The following ASPSCR1 variants were observed in gnomAD, a reference collection of about 807,000 sequenced individuals.
ASPSCR1 encodes tether containing UBX domain for GLUT4.
Under a neutral mutation model 68.9 loss-of-function variants are expected in ASPSCR1, and 55 were observed. The observed-to-expected ratio is 0.80, with a 90% CI of 0.64 to 1.00. ASPSCR1 has a LOEUF of 1.00. Ranked by LOEUF, ASPSCR1 falls within the 50% of genes least tolerant of loss-of-function variation. The pLI, the probability that ASPSCR1 is intolerant of heterozygous loss-of-function variation, is 0.00. For synonymous variants in ASPSCR1, 352 were observed against 332.6 expected, an observed-to-expected ratio of 1.06 and a Z score of -0.63; for missense variants, 765 against 762.2, an observed-to-expected ratio of 1.00 and a Z score of -0.04.
chr17:82,008,770 A>C, intron 7 of ASPSCR1: 1 of 395,286 alleles, frequency 2.5e-6, no homozygotes, highest in South Asian at 7.4e-5. Context: ...CCTGCTGGGG[A>C]GCAGGGGCTC....
intron 4 of ASPSCR1, among the ~76,000 whole-genome samples, chr17:81,991,114 G>A (rs920020882): frequency 1.3e-5 from 2 of 152,156 alleles, no homozygotes; most frequent in African/African-American, 4.8e-5. Context: ...CAGCTGAGCC[G>A]CTTTCCATCT....
chr17:81,988,148 CAA>C (rs756745360), intron 4 of ASPSCR1, among the ~76,000 whole-genome samples: 37 of 97,964 alleles, frequency 3.8e-4, no homozygotes, highest in Admixed American at 8.1e-4. Context: ...GACTCTGTCT[CAA>C]AAAAAAAAAA....
chr17:82,017,068 G>A lies in ASPSCR1; in HGVS notation c.1603G>A (p.Val535Met), dbSNP rs372177769. 3.8e-5 allele frequency: 61 copies of A among 1,608,506 alleles called. No individual in the cohort carries two copies. The Middle Eastern group carries it at 6.7e-4, about 18-fold the overall frequency. ...GCCCATCCCAGGGACGGCCCAGCCC[G>A]TGAAGAGGAGCCTGGGCAAGGTGCC... ...PEPIPGTAQP[V>M]KRSLGKVPKW... Residue 535 changes from valine (V) to methionine (M), a missense_variant, in exon 15 of 16, where the codon GTG becomes ATG. Val to Met is a conservative substitution (Grantham distance 21). Transcript: ENST00000306739.
chr17:82,010,094 T>G (rs1407616761), intron 9 of ASPSCR1: 1 of 322,178 alleles, frequency 3.1e-6, no homozygotes. Flanking sequence ...GTTGTTTTTT[T>G]TTTTTTTACT....
chr17:81,984,711 G>A (rs900259557), intron 3 of ASPSCR1, among the ~76,000 whole-genome samples: 1 of 151,818 alleles, frequency 6.6e-6, no homozygotes, highest in African/African-American at 2.4e-5. Flanking sequence ...ATCTTTTGAA[G>A]CCCCCACTGG....
At chr17:82,011,706 A>T in intron 11 of ASPSCR1, 101 bp downstream of exon 11, 2 of 1,339,462 alleles carry the variant, frequency 1.5e-6, no homozygotes, top group Non-Finnish European at 2.1e-6. Context: ...CAGCTTCTCC[A>T]CAGGAGCAGC....
chr17:81,999,784 C>T lies in ASPSCR1; in HGVS notation c.933+2938C>T, dbSNP rs1245924271. 1.3e-5 allele frequency among the ~76,000 whole-genome samples: 2 copies of T among 152,170 alleles called. No homozygotes were observed. The highest frequency in any genetic ancestry group is 4.8e-5 in the African/African-American group (2 of 41,434). ...CTCCTCTGGCCACTTCTGAGTGAAG[C>T]AACCTCATGCCTCCCTCTTGCCTCC... is the stretch of plus-strand genomic sequence containing the variant. On this transcript the variant is annotated intron_variant, in intron 7 of 15. Coordinates refer to ENST00000306739, the MANE Select transcript of ASPSCR1 (RefSeq NM_024083.4). This position sits in a 1 kb window ranked among gnomAD's most constrained non-coding sequence, Gnocchi z 4.4.
rs868203794 is a variant in ASPSCR1, at chr17:81,986,539, C to T, written c.374+932C>T. Among the ~76,000 whole-genome samples, 1 of 152,212 alleles carries T rather than the reference C, an allele frequency of 6.6e-6. No homozygotes were observed. The highest frequency in any genetic ancestry group is 2.1e-4 in the South Asian group (1 of 4,834). On this transcript the variant is annotated intron_variant, in intron 4 of 15. Transcript: ENST00000306739. The surrounding 1 kb of genome is among the most constrained non-coding windows in gnomAD (Gnocchi z 5.2). ...AAATTGGTGCTTTGTCAATTTGGGTCTTTTCATCGTTGGCTGGAAGTCTCT... is the reference window on the plus strand; with the variant it reads ...AAATTGGTGCTTTGTCAATTTGGGTTTTTTCATCGTTGGCTGGAAGTCTCT...
chr17:82,010,883 G>A lies in ASPSCR1; in HGVS notation c.1237+15G>A, dbSNP rs2042915199. 1 of 1,609,876 alleles carries A rather than the reference G, an allele frequency of 6.2e-7. No homozygotes were observed. Among genetic ancestry groups the A allele is most frequent in the Admixed American group, 1.7e-5 (1 of 60,000 alleles). On this transcript the variant is annotated intron_variant, in intron 10 of 15. Coordinates refer to ENST00000306739, the MANE Select transcript of ASPSCR1 (RefSeq NM_024083.4). ...CAGCGAGACAGGTGGGCAGCGCTGT[G>A]GGGTGTCCGGGGATGGGGGGCAGGG...
intron 9 of ASPSCR1, chr17:82,009,786 C>A (rs572896905): frequency 4.7e-5 from 18 of 387,018 alleles, no homozygotes; most frequent in African/African-American, 3.4e-4. Flanking sequence ...TCTGAGGGGG[C>A]CCCCTGTGAG....
intron 3 of ASPSCR1, among the ~76,000 whole-genome samples, chr17:81,984,899 A>C (rs1230773812): frequency 6.3e-4 from 35 of 55,472 alleles, no homozygotes; most frequent in African/African-American, 2.5e-3. Flanking sequence ...ACACACACCC[A>C]CACACACCCC....
intron 4 of ASPSCR1, among the ~76,000 whole-genome samples, chr17:81,985,949 C>G (rs73356117): frequency 6.6e-6 from 1 of 152,062 alleles, no homozygotes; most frequent in Non-Finnish European, 1.5e-5. Flanking sequence ...ATGCTTGATT[C>G]CCCTGGATGG....
chr17:82,011,737 G>A, intron 11 of ASPSCR1, 132 bp downstream of exon 11: 1 of 988,130 alleles, frequency 1.0e-6, no homozygotes, highest in East Asian at 2.7e-5. Context: ...TCCCGCCCAG[G>A]TGCCTCCTGC....
rs1256947524 is a variant in ASPSCR1, at chr17:81,995,860, TG to T, written c.433-126del. On this transcript the variant is annotated intron_variant, in intron 5 of 15. Transcript: ENST00000306739. Reference sequence around the variant, plus strand: ...GGTGTGGACCGGCAGGGGCCAGATGTGGGGGGTGGGTAGGATGGAGGCCAGA... The same window carrying T: ...GGTGTGGACCGGCAGGGGCCAGATGTGGGGGTGGGTAGGATGGAGGCCAGA... 51 of 830,064 alleles carry T rather than the reference TG, an allele frequency of 6.1e-5. 1 individual carries two copies. In the Middle Eastern group the frequency reaches 2.0e-3, roughly 33 times the overall value. 51.4% of individuals were successfully genotyped at this position (830,064 alleles called of 1,614,324 possible). A position where few individuals can be genotyped will look rare whatever the true frequency, so the allele number is the denominator to read the frequency against.
intron 7 of ASPSCR1, among the ~76,000 whole-genome samples, chr17:81,997,091 G>T (rs1385644985): frequency 6.6e-6 from 1 of 150,434 alleles, no homozygotes; most frequent in South Asian, 2.1e-4. Context: ...TCTGCTCCGG[G>T]ATGAGGCCGT....
chr17:82,010,391 A>C (rs776459610), intron 9 of ASPSCR1, among the ~76,000 whole-genome samples: 22 of 151,526 alleles, frequency 1.5e-4, no homozygotes, highest in Admixed American at 8.5e-4. Flanking sequence ...TAGTCAGGAG[A>C]GGTGGCGCAC....
At chr17:82,015,542 G>C in intron 12 of ASPSCR1, 1 of 771,334 alleles carries the variant, frequency 1.3e-6, no homozygotes, top group Non-Finnish European at 2.0e-6. Context: ...TGAGAACCAG[G>C]TGCCTCTCTG....
chr17:82,007,619 A>G (rs2042764560), intron 7 of ASPSCR1: 1 of 152,114 alleles, frequency 6.6e-6, no homozygotes, highest in Admixed American at 6.5e-5. Context: ...CATCAGGGGT[A>G]CTCTGCCCGC....
Position 81,985,067 on chromosome 17 carries a change from C to T in ASPSCR1, c.274-440C>T, listed in dbSNP as rs1435069590. Among the ~76,000 whole-genome samples, 4 of 147,170 alleles carry T rather than the reference C, an allele frequency of 2.7e-5. No individual in the cohort carries two copies. In the South Asian group the frequency reaches 6.6e-4, roughly 24 times the overall value. ...TCCCCCCCACACACACCCACGCACA[C>T]ACCTGTACACACACACCTACACATC... On this transcript the variant is annotated intron_variant, in intron 3 of 15. Coordinates refer to ENST00000306739, the MANE Select transcript of ASPSCR1 (RefSeq NM_024083.4).
Sources: allele counts gnomAD v4.1 joint callset (sites outside exome capture counted in the v4.1 genomes callset), GRCh38; gene constraint gnomAD v4.1.1; non-coding constraint Gnocchi (gnomAD v3.1); transcripts MANE v1.5; gene names NCBI Gene and HGNC (gene_info 2026-07-23, HGNC 2026-07-21).